The following TRPM6 variants were observed in gnomAD, a reference collection of about 807,000 sequenced individuals.
TRPM6 encodes the protein channel kinase 2.
In TRPM6, 111 loss-of-function variants were observed where a neutral mutation model predicts 247.6. The ratio of observed to expected loss-of-function variants is 0.45; its 90% CI spans 0.38 to 0.52. TRPM6 has a LOEUF of 0.52. TRPM6 is among the 20% of genes least tolerant of loss of function. The probability of loss-of-function intolerance (pLI) is 0.00; values close to 1 mark genes in which losing one functional copy is unlikely to be tolerated. For missense variants in TRPM6, 2,126 were observed against 2,421.5 expected (o/e 0.88, Z 2.56); for synonymous variants, 892 against 853.8 (o/e 1.04, Z -0.78).
intron 8 of TRPM6, among the ~76,000 whole-genome samples, chr9:74,821,446 C>T (rs1829125073): frequency 6.6e-6 from 1 of 152,202 alleles, no homozygotes; most frequent in Non-Finnish European, 1.5e-5. Context: ...AAGACTCAAG[C>T]TTCCCTTTAA....
intron 14 of TRPM6, chr9:74,804,668 G>A (rs575051577): frequency 1.7e-5 from 13 of 755,724 alleles, no homozygotes; most frequent in South Asian, 1.5e-4. Context: ...CTATTCAGCA[G>A]TTCCCTACTG....
At chr9:74,823,711 G>T (rs912341576) in intron 7 of TRPM6, among the ~76,000 whole-genome samples, 5 of 152,094 alleles carry the variant, frequency 3.3e-5, no homozygotes, top group East Asian at 1.9e-4. Flanking sequence ...AGAAAATTTC[G>T]ATTAATATTT....
In TRPM6 at chr9:74,766,282, G is replaced by A. The variant is rs908197636; in HGVS notation, c.3537-3148C>T. ...CTTATTTTCTAAAACTTGATGTCCC[G>A]TGAAACATATTTTAATTATATTGCT... On this transcript the variant is annotated intron_variant, in intron 25 of 38. Coordinates refer to ENST00000360774, the MANE Select transcript of TRPM6 (RefSeq NM_017662.5). Among the ~76,000 whole-genome samples the A allele has an allele frequency of 6.6e-4, 101 of 152,272 alleles. 1 individual carries two copies. The highest frequency in any genetic ancestry group is 6.5e-3 in the Admixed American group (99 of 15,298).
At chr9:74,873,101 C>T (rs550098093) in intron 1 of TRPM6, among the ~76,000 whole-genome samples, 1 of 152,298 alleles carries the variant, frequency 6.6e-6, no homozygotes, top group East Asian at 1.9e-4. Flanking sequence ...CTGCCTCCAT[C>T]TCTACATTCT....
chr9:74,857,993 A>G (rs1186475386), intron 2 of TRPM6, among the ~76,000 whole-genome samples: 9 of 152,350 alleles, frequency 5.9e-5, no homozygotes, highest in Middle Eastern at 6.8e-3. Context: ...TGTAACGTCT[A>G]TCCTCCCATC....
At chr9:74,854,573 C>T (rs1830463245) in intron 3 of TRPM6, among the ~76,000 whole-genome samples, 1 of 152,166 alleles carries the variant, frequency 6.6e-6, no homozygotes, top group Admixed American at 6.5e-5. Flanking sequence ...ATTCTTCCTC[C>T]AGCAACCTCC....
At position 74,821,815 on chromosome 9, in the gene TRPM6, G is replaced by A. The variant is rs1829137136; in HGVS notation, c.864C>T (p.Val288=). ...IHCRSRQGVP[V]VGLVVEGGPN... ...GACCGCCTTCCACCACCAGCCCCAC[G>A]ACCGGCACGCCTTGTCTTGAGCCTA... The change falls in exon 8 of 39, where the codon GTC becomes GTT. Residue 288 remains valine (V), a synonymous_variant. Transcript: ENST00000360774. 5.6e-6 allele frequency: 9 copies of A among 1,614,068 alleles called. No individual in the cohort carries two copies. The highest frequency in any genetic ancestry group is 2.2e-5 in the South Asian group (2 of 91,076).
At chr9:74,729,598 C>T (rs553485653) in intron 37 of TRPM6, among the ~76,000 whole-genome samples, 3 of 152,264 alleles carry the variant, frequency 2.0e-5, no homozygotes, top group African/African-American at 7.2e-5. Flanking sequence ...GGTATTTACC[C>T]GGCTGCCTAA....
chr9:74,851,179 T>C (rs916720971), intron 3 of TRPM6, among the ~76,000 whole-genome samples: 6 of 152,172 alleles, frequency 3.9e-5, no homozygotes, highest in African/African-American at 1.2e-4. Context: ...AAAATATATA[T>C]TCATGTTTGT....
intron 1 of TRPM6, among the ~76,000 whole-genome samples, chr9:74,865,903 C>A (rs1830830374): frequency 1.3e-5 from 2 of 152,148 alleles, no homozygotes; most frequent in African/African-American, 4.8e-5. Flanking sequence ...CCCTGAGAAT[C>A]TGGGACTACA....
intron 33 of TRPM6, 45 bp from the exon 34 acceptor site, chr9:74,740,054 T>A: frequency 6.2e-7 from 1 of 1,601,134 alleles, no homozygotes; most frequent in Non-Finnish European, 8.5e-7. Flanking sequence ...GATTGCCATG[T>A]CTGTGACATG....
At chr9:74,763,284 A>G in intron 25 of TRPM6, 150 bp from the exon 26 acceptor site, 1 of 766,102 alleles carries the variant, frequency 1.3e-6, no homozygotes, top group Non-Finnish European at 2.2e-6. Flanking sequence ...TTCGCCCAAT[A>G]CATAACTCTC....
In TRPM6 at chr9:74,820,346, G is replaced by A. The variant is rs1302042796; in HGVS notation, c.1092C>T (p.His364=). The A allele has an allele frequency of 6.2e-7, 1 of 1,614,082 alleles. No homozygotes were observed. Among genetic ancestry groups the A allele is most frequent in the East Asian group, 2.2e-5 (1 of 44,880 alleles). Reference sequence around the variant, plus strand: ...TACACTCCATTAGAATTTGGAAAAGGTGCTTGGACTGTTTAAGACTAAAGT... The same window carrying A: ...TACACTCCATTAGAATTTGGAAAAGATGCTTGGACTGTTTAAGACTAAAGT... The part of the protein sequence containing the change: ...TFNFSLKQSK[H]LFQILMECMV... Residue 364 remains histidine, a synonymous_variant, in exon 9 of 39, where the codon CAC becomes CAT. Transcript: ENST00000360774.
In TRPM6 at chr9:74,842,170, G is replaced by C. The variant is rs754868247; in HGVS notation, c.326C>G (p.Ala109Gly). ...NFQDGEHTHH[A>G]KYIRTSYDTK... ...CAATTTGGGTTATTAGCAAACCTTG[G>C]CATGATGGGTGTGCTCTCCATCTTG... The change falls in exon 4 of 39, where the codon GCC (alanine) becomes GGC (glycine). Residue 109 changes from alanine to glycine, a missense_variant. By Grantham distance (60) the Ala-to-Gly change is moderately conservative. Coordinates refer to ENST00000360774, the MANE Select transcript of TRPM6 (RefSeq NM_017662.5). 13 of 1,613,708 alleles carry C rather than the reference G, an allele frequency of 8.1e-6. No homozygotes were observed. The highest frequency in any genetic ancestry group is 8.5e-6 in the Non-Finnish European group (10 of 1,179,950).
rs1408502291 is a variant in TRPM6 at position 74,816,735 on chromosome 9, C to G, written c.1242G>C (p.Leu414=). ...TNLSASEQLN[L]AMAWDRVDIA... ...TGTCCACCCTGTCCCAAGCCATTGC[C>G]AGATTTAATTGCTCTGACGCTGATA... Residue 414 remains leucine (L), a synonymous_variant, in exon 11 of 39, where the codon CTG becomes CTC. Transcript: ENST00000360774. The G allele has an allele frequency of 1.9e-6, 3 of 1,614,024 alleles. No individual in the cohort carries two copies. Among genetic ancestry groups the G allele is most frequent in the South Asian group, 2.2e-5 (2 of 91,092 alleles).
At chr9:74,812,780 A>C (rs1040600670) in intron 11 of TRPM6, among the ~76,000 whole-genome samples, 4 of 151,934 alleles carry the variant, frequency 2.6e-5, no homozygotes, top group Non-Finnish European at 5.9e-5. Flanking sequence ...GTCCCAGCTA[A>C]TTGGGAGGCT....
chr9:74,859,627 A>T lies in TRPM6; in HGVS notation c.34-879T>A, dbSNP rs142900542. On this transcript the variant is annotated intron_variant, in intron 1 of 38. Coordinates refer to ENST00000360774, the MANE Select transcript of TRPM6 (RefSeq NM_017662.5). ...GTCTCTACTAAAAATACAAAAAATT[A>T]GCTGGGCATGGTGGCAGGCAACTAT... Among the ~76,000 whole-genome samples, 984 of 152,222 alleles carry T rather than the reference A, an allele frequency of 6.5e-3. 14 individuals carry two copies. Among genetic ancestry groups the T allele is most frequent in the African/African-American group, 0.023 (954 of 41,546 alleles).
intron 36 of TRPM6, among the ~76,000 whole-genome samples, chr9:74,732,994 G>A (rs1825574069): frequency 6.6e-6 from 1 of 152,016 alleles, no homozygotes; most frequent in African/African-American, 2.4e-5. Flanking sequence ...AAGAGTTCGA[G>A]ACCAGCCTGG....
rs772621095 is a variant in TRPM6 at position 74,775,936 on chromosome 9, C to T, written c.3350G>A (p.Arg1117His). The T allele has an allele frequency of 2.2e-5, 35 of 1,614,002 alleles. No individual in the cohort carries two copies. Among genetic ancestry groups the T allele is most frequent in the Non-Finnish European group, 2.5e-5 (29 of 1,180,042 alleles). ...LLSHVGLLLR[R>H]LCCHRAPHDQ... ...GTGAGGAGCTCGATGACAGCACAGG[C>T]GGCGGAGGAGAAGGCCCACGTGGCT... is the stretch of plus-strand genomic sequence containing the variant. The change falls in exon 24 of 39, where the codon CGC (arginine) becomes CAC (histidine). Residue 1117 changes from arginine to histidine, a missense_variant. Coordinates refer to ENST00000360774, the MANE Select transcript of TRPM6 (RefSeq NM_017662.5).
Sources: gnomAD v4.1 joint callset for allele counts (sites outside exome capture counted in the v4.1 genomes callset) on GRCh38, gnomAD v4.1.1 for gene constraint, MANE v1.5 for transcripts, NCBI Gene and HGNC (gene_info 2026-07-23, HGNC 2026-07-21) for gene names.